The following CNTN5 variants were observed in gnomAD, a reference collection of about 807,000 sequenced individuals.
The protein encoded by CNTN5 is contactin 5.
Under a neutral mutation model 129.1 loss-of-function variants are expected in CNTN5, and 77 were observed. The ratio of observed to expected loss-of-function variants is 0.60; its 90% CI spans 0.50 to 0.72. The LOEUF is 0.72. CNTN5 is among the 30% of genes least tolerant of loss of function. CNTN5 has a pLI of 0.00. For synonymous variants in CNTN5, 509 were observed against 465.6 expected, an observed-to-expected ratio of 1.09 and a Z score of -1.20; for missense variants, 1,478 against 1,328.8, an observed-to-expected ratio of 1.11 and a Z score of -1.75.
chr11:99,921,345 C>G (rs1358612210), intron 7 of CNTN5, among the ~76,000 whole-genome samples: 1 of 152,204 alleles, frequency 6.6e-6, no homozygotes, highest in Non-Finnish European at 1.5e-5. Flanking sequence ...TCTCAAACAA[C>G]CAGACAAGCT....
chr11:100,327,768 A>G (rs1951820553), intron 21 of CNTN5, among the ~76,000 whole-genome samples: 1 of 152,100 alleles, frequency 6.6e-6, no homozygotes, highest in Non-Finnish European at 1.5e-5. Context: ...AGTTTTTAGA[A>G]CTCAAGACCT....
intron 2 of CNTN5, among the ~76,000 whole-genome samples, chr11:99,552,317 G>T (rs1948518864): frequency 1.3e-5 from 2 of 151,014 alleles, no homozygotes; most frequent in Non-Finnish European, 1.5e-5. Flanking sequence ...TACTTTCTAT[G>T]GTGGTCACTG....
At chr11:100,079,105 G>A (rs372018992) in intron 13 of CNTN5, among the ~76,000 whole-genome samples, 5 of 152,172 alleles carry the variant, frequency 3.3e-5, no homozygotes, top group South Asian at 4.2e-4. Context: ...CGAGAACAGC[G>A]TGCGGAATAC....
chr11:99,919,164 G>C, intron 7 of CNTN5, among the ~76,000 whole-genome samples: 1 of 152,096 alleles, frequency 6.6e-6, no homozygotes, highest in African/African-American at 2.4e-5. Flanking sequence ...CTGTCTTTAC[G>C]TGCTCTTTTT....
chr11:99,116,799 A>G (rs905619591), intron 1 of CNTN5, among the ~76,000 whole-genome samples: 3 of 152,206 alleles, frequency 2.0e-5, no homozygotes, highest in African/African-American at 7.2e-5. Context: ...AGATGAATAC[A>G]TTTAGATAGA....
intron 2 of CNTN5, among the ~76,000 whole-genome samples, chr11:99,551,013 C>T (rs112691735): frequency 0.021 from 3,196 of 152,174 alleles, 120 homozygotes; most frequent in African/African-American, 0.073. Context: ...CTATAATGTA[C>T]GTATGAAATA....
chr11:100,254,972 A>G (rs1368638082), intron 16 of CNTN5, among the ~76,000 whole-genome samples: 2 of 152,210 alleles, frequency 1.3e-5, no homozygotes, highest in African/African-American at 2.4e-5. Context: ...AAATAAAAAC[A>G]CAATGGCACA....
intron 3 of CNTN5, among the ~76,000 whole-genome samples, chr11:99,585,494 T>TA (rs916894561): frequency 6.6e-6 from 1 of 152,102 alleles, no homozygotes; most frequent in African/African-American, 2.4e-5. Flanking sequence ...TATGGTTATT[T>TA]AAAAAAATAT....
chr11:99,086,492 G>A (rs1866011027), intron 1 of CNTN5, among the ~76,000 whole-genome samples: 1 of 152,164 alleles, frequency 6.6e-6, no homozygotes, highest in Non-Finnish European at 1.5e-5. Flanking sequence ...GCAGGATCAA[G>A]AGAGTGAGGG....
At chr11:99,052,564 A>G (rs1468336713) in intron 1 of CNTN5, among the ~76,000 whole-genome samples, 1 of 151,936 alleles carries the variant, frequency 6.6e-6, no homozygotes, top group Non-Finnish European at 1.5e-5. Context: ...GAAATTGCTT[A>G]ATGCATTTCT....
chr11:100,117,541 C>T (rs910484796), intron 13 of CNTN5, among the ~76,000 whole-genome samples: 6 of 151,908 alleles, frequency 3.9e-5, no homozygotes, highest in Non-Finnish European at 8.8e-5. Flanking sequence ...TACCACATAG[C>T]ATATGCTCAA....
At chr11:99,235,372 C>A (rs942903860) in intron 1 of CNTN5, among the ~76,000 whole-genome samples, 3 of 152,172 alleles carry the variant, frequency 2.0e-5, no homozygotes, top group Admixed American at 1.3e-4. Flanking sequence ...GGGACCTATT[C>A]ATGAGCTTCA....
At chr11:99,758,283 C>T (rs1944468016) in intron 3 of CNTN5, among the ~76,000 whole-genome samples, 1 of 151,922 alleles carries the variant, frequency 6.6e-6, no homozygotes, top group African/African-American at 2.4e-5. Context: ...CAATCAACAG[C>T]TATTTATAAC....
chr11:99,881,807 G>A (rs951896982), intron 6 of CNTN5, among the ~76,000 whole-genome samples: 4 of 152,208 alleles, frequency 2.6e-5, no homozygotes, highest in Non-Finnish European at 5.9e-5. Flanking sequence ...GTATCGCAGA[G>A]CTTGCAGTTT....
intron 1 of CNTN5, among the ~76,000 whole-genome samples, chr11:99,047,138 A>G (rs1187271373): frequency 6.6e-6 from 1 of 152,038 alleles, no homozygotes; most frequent in African/African-American, 2.4e-5. Context: ...TCCATTTTTA[A>G]GTGATTAACC....
intron 19 of CNTN5, 115 bp downstream of exon 19, chr11:100,297,810 TGGGA>T (rs1214718215): frequency 2.6e-6 from 2 of 768,582 alleles, no homozygotes; most frequent in Non-Finnish European, 2.2e-6. Flanking sequence ...CTAAAAACAG[TGGGA>T]GGAAGGAATG....
At chr11:99,624,256 T>G (rs980155307) in intron 3 of CNTN5, among the ~76,000 whole-genome samples, 14 of 152,102 alleles carry the variant, frequency 9.2e-5, no homozygotes, top group Admixed American at 3.3e-4. Flanking sequence ...ATAATAGTTG[T>G]TTTAATTGTT....
At chr11:100,271,415 C>T (rs964684319) in intron 18 of CNTN5, among the ~76,000 whole-genome samples, 174 bp downstream of exon 18, 38 of 152,210 alleles carry the variant, frequency 2.5e-4, no homozygotes, top group African/African-American at 8.9e-4. Context: ...TATTTGTTCT[C>T]AGAACTTTTT....
intron 1 of CNTN5, among the ~76,000 whole-genome samples, chr11:99,106,570 T>A (rs995825371): frequency 3.3e-5 from 5 of 152,046 alleles, no homozygotes; most frequent in African/African-American, 1.2e-4. Flanking sequence ...ATATCAAATA[T>A]TAAATATTTG....
Sources: allele counts gnomAD v4.1 joint callset (sites outside exome capture counted in the v4.1 genomes callset), GRCh38; gene constraint gnomAD v4.1.1; transcripts MANE v1.5; gene names NCBI Gene and HGNC (gene_info 2026-07-23, HGNC 2026-07-21).